PVT1: variants seen among roughly 807,000 people sequenced by gnomAD.
PVT1 encodes the protein CXCR4/PVT1 fusion.
At chr8:127,966,613 T>C (rs1206569259) in intron 3 of PVT1, among the ~76,000 whole-genome samples, 1 of 152,196 alleles carries the variant, frequency 6.6e-6, no homozygotes, top group Non-Finnish European at 1.5e-5. Context: ...CTTAGCCACG[T>C]GGGGCTGTTG....
chr8:127,873,576 C>T (rs537776885), intron 2 of PVT1, among the ~76,000 whole-genome samples: 5 of 152,140 alleles, frequency 3.3e-5, no homozygotes, highest in African/African-American at 1.2e-4. Flanking sequence ...TCATTTTATC[C>T]TCCCAGCAGG....
intron 3 of PVT1, among the ~76,000 whole-genome samples, chr8:127,959,974 C>T (rs67423398): frequency 0.3 from 45,445 of 152,060 alleles, 7,196 homozygotes; most frequent in Middle Eastern, 0.34. Flanking sequence ...TCTGCACTTA[C>T]TTCTGGCCTT....
At chr8:127,938,168 A>G (rs1816302713) in intron 3 of PVT1, among the ~76,000 whole-genome samples, 1 of 152,158 alleles carries the variant, frequency 6.6e-6, no homozygotes, top group African/African-American at 2.4e-5. Flanking sequence ...GGTATCCCTC[A>G]CATCATTCCA....
intron 3 of PVT1, among the ~76,000 whole-genome samples, chr8:127,893,516 CGAT>C: frequency 6.6e-6 from 1 of 152,218 alleles, no homozygotes; most frequent in South Asian, 2.1e-4. Context: ...TAAAGAGCTG[CGAT>C]TACAAGCGTG....
At chr8:127,859,782 G>A (rs1444272955) in intron 2 of PVT1, among the ~76,000 whole-genome samples, 1 of 151,934 alleles carries the variant, frequency 6.6e-6, no homozygotes, top group Non-Finnish European at 1.5e-5. Flanking sequence ...AGCCTCAATC[G>A]CCTTATCTGT....
chr8:128,057,387 A>G (rs926865996), intron 4 of PVT1, among the ~76,000 whole-genome samples: 11 of 152,156 alleles, frequency 7.2e-5, no homozygotes, highest in Non-Finnish European at 1.3e-4. Context: ...TTTCTACTAT[A>G]CTGGCAGGGA....
chr8:127,844,219 G>A (rs1815005748), intron 2 of PVT1, among the ~76,000 whole-genome samples: 2 of 152,068 alleles, frequency 1.3e-5, no homozygotes, highest in South Asian at 4.1e-4. Flanking sequence ...CTCCTGGCAT[G>A]TCTACATTAT....
intron 2 of PVT1, among the ~76,000 whole-genome samples, chr8:127,801,133 A>G (rs989487779): frequency 6.6e-6 from 1 of 152,234 alleles, no homozygotes; most frequent in Non-Finnish European, 1.5e-5. Flanking sequence ...GGGAGGTAGG[A>G]GAACCCGAGC....
intron 4 of PVT1, among the ~76,000 whole-genome samples, chr8:128,007,319 G>A (rs1817258820): frequency 6.6e-6 from 1 of 152,054 alleles, no homozygotes; most frequent in Non-Finnish European, 1.5e-5. Context: ...TTAAATAATT[G>A]TACTGTGTAT....
intron 3 of PVT1, among the ~76,000 whole-genome samples, chr8:127,913,289 C>A (rs940743520): frequency 1.3e-5 from 2 of 152,196 alleles, no homozygotes; most frequent in African/African-American, 4.8e-5. Context: ...GCCATGCATT[C>A]CTCAGGGTCA....
At position 127,970,442 on chromosome 8, in the gene PVT1, C is replaced by T. The variant is rs370093471; in HGVS notation, n.783-18720C>T. On this transcript the variant is annotated intron_variant and non_coding_transcript_variant, in intron 3 of 10. Coordinates refer to ENST00000651587, the Ensembl canonical transcript of PVT1. ...CCTCCCGAGTAGCTGGGACTACAGGCGCCCGCCACCATGCCTGGCTAATTT... is the reference window on the plus strand; with the variant it reads ...CCTCCCGAGTAGCTGGGACTACAGGTGCCCGCCACCATGCCTGGCTAATTT... 9.2e-5 allele frequency among the ~76,000 whole-genome samples: 14 copies of T among 152,030 alleles called. 1 individual carries two copies. Among genetic ancestry groups the T allele is most frequent in the African/African-American group, 2.2e-4 (9 of 41,508 alleles).
At position 127,898,548 on chromosome 8, in the gene PVT1, G is replaced by A. The variant is rs564694482; in HGVS notation, n.782+7550G>A. ...CTTATCATGCTGGAGACCAGACTGA[G>A]GCAGTGAAGTCACCATAATTGATGG... On this transcript the variant is annotated intron_variant and non_coding_transcript_variant, in intron 3 of 10. Transcript: ENST00000651587. This position sits in a 1 kb window ranked among gnomAD's most constrained non-coding sequence, Gnocchi z 4.4. 6.6e-6 allele frequency among the ~76,000 whole-genome samples: 1 copy of A among 152,338 alleles called. No homozygotes were observed. Among genetic ancestry groups the A allele is most frequent in the Admixed American group, 6.5e-5 (1 of 15,302 alleles).
chr8:127,955,404 G>A (rs542348136), intron 3 of PVT1, among the ~76,000 whole-genome samples: 31 of 152,246 alleles, frequency 2.0e-4, no homozygotes, highest in African/African-American at 6.0e-4. Context: ...CCAATATACC[G>A]TGTGTCTGGG....
intron 3 of PVT1, among the ~76,000 whole-genome samples, chr8:127,979,485 C>G (rs911864998): frequency 6.6e-6 from 1 of 152,196 alleles, no homozygotes; most frequent in African/African-American, 2.4e-5. Flanking sequence ...GCTGTGTTCT[C>G]TAGGAAACAG....
intron 3 of PVT1, among the ~76,000 whole-genome samples, chr8:127,936,147 G>A (rs775459995): frequency 4.6e-5 from 7 of 150,842 alleles, no homozygotes; most frequent in Non-Finnish European, 1.5e-5. Context: ...CGCGTCCCAG[G>A]TTCAAGTGAT....
intron 3 of PVT1, among the ~76,000 whole-genome samples, chr8:127,943,150 G>T (rs888246228): frequency 6.6e-6 from 1 of 152,204 alleles, no homozygotes; most frequent in Non-Finnish European, 1.5e-5. Context: ...ACAGAAGGAG[G>T]TCCTGCACAG....
chr8:128,054,606 T>C (rs1813742301), intron 4 of PVT1, among the ~76,000 whole-genome samples: 1 of 152,222 alleles, frequency 6.6e-6, no homozygotes, highest in South Asian at 2.1e-4. Flanking sequence ...TCTTCTGGGC[T>C]CATTCCTTGA....
intron 2 of PVT1, among the ~76,000 whole-genome samples, chr8:127,857,897 T>C (rs1011533465): frequency 1.2e-4 from 19 of 152,374 alleles, no homozygotes; most frequent in African/African-American, 4.1e-4. Context: ...CAAATGAGTC[T>C]TCAAAGTGCT....
rs1163382469 is a variant in PVT1, at chr8:127,984,901, CTT to C, written n.783-4259_783-4258del. On this transcript the variant is annotated intron_variant and non_coding_transcript_variant, in intron 3 of 10. Transcript: ENST00000651587. ...TCTTTCTTTCTTTCTTTCTTTCTTTCTTTCTTTCTTTCTTTCTTTCTCTTTCT... is the reference window on the plus strand; with the variant it reads ...TCTTTCTTTCTTTCTTTCTTTCTTTCTCTTTCTTTCTTTCTTTCTCTTTCT... Among the ~76,000 whole-genome samples the C allele has an allele frequency of 2.9e-4, 28 of 96,466 alleles. 1 individual carries two copies. The highest frequency in any genetic ancestry group is 5.7e-3 in the Middle Eastern group (1 of 176). The allele number at this position is 96,466 out of a possible 152,430, so 63.3% of individuals were successfully genotyped here.
Sources: gnomAD v4.1 joint callset for allele counts (sites outside exome capture counted in the v4.1 genomes callset) on GRCh38, gnomAD v4.1.1 for gene constraint, Gnocchi (gnomAD v3.1) non-coding constraint, MANE v1.5 for transcripts, NCBI Gene and HGNC (gene_info 2026-07-23, HGNC 2026-07-21) for gene names.